Variants in AGO3 observed in about 807,000 individuals in gnomAD.
AGO3 encodes argonaute RISC catalytic component 3.
In AGO3, 16 loss-of-function variants were observed where a neutral mutation model predicts 105.5. The ratio of observed to expected loss-of-function variants is 0.15; its 90% CI spans 0.10 to 0.23. The LOEUF (loss-of-function observed/expected upper bound fraction) is 0.23, where lower values mean the gene tolerates loss of function less well. AGO3 is among the 10% of genes least tolerant of loss of function. The pLI is 1.00. For missense variants in AGO3, 534 were observed against 1,088.0 expected (o/e 0.49, Z 7.16); for synonymous variants, 340 against 367.3 (o/e 0.93, Z 0.85).
chr1:35,935,873 A>G (rs1646138013), intron 1 of AGO3, among the ~76,000 whole-genome samples: 1 of 152,258 alleles, frequency 6.6e-6, no homozygotes, highest in Non-Finnish European at 1.5e-5. Flanking sequence ...AGAATCTTAA[A>G]AAGTAATTTA....
chr1:35,971,333 A>G (rs960454434), intron 3 of AGO3, among the ~76,000 whole-genome samples: 2 of 150,296 alleles, frequency 1.3e-5, no homozygotes, highest in African/African-American at 2.4e-5. Flanking sequence ...CTAATTTTGT[A>G]TTTTTAGTAG....
intron 5 of AGO3, among the ~76,000 whole-genome samples, chr1:36,003,512 C>T (rs1025975814): frequency 1.3e-4 from 20 of 150,902 alleles, no homozygotes; most frequent in African/African-American, 2.2e-4. Context: ...CTGACCAACA[C>T]GGAGAAACCC....
At chr1:36,024,370 T>G (rs1199782547) in intron 11 of AGO3, among the ~76,000 whole-genome samples, 1 of 152,092 alleles carries the variant, frequency 6.6e-6, no homozygotes, top group Non-Finnish European at 1.5e-5. Context: ...CTCCTGGACT[T>G]AAGCAGTCCT....
In AGO3 at chr1:36,055,150, T is replaced by C. The variant is rs536406293; in HGVS notation, c.2474+5T>C. On this transcript the variant is annotated splice_donor_5th_base_variant and intron_variant, in intron 18 of 18. Coordinates refer to ENST00000373191, the MANE Select transcript of AGO3 (RefSeq NM_024852.4). This position sits in a 1 kb window ranked among gnomAD's most constrained non-coding sequence, Gnocchi z 4.4. ...TGTGGACAAAGAACATGACAGGTAATATAAAAGCATAACAGGTTCTCACCC... is the reference window on the plus strand; with the variant it reads ...TGTGGACAAAGAACATGACAGGTAACATAAAAGCATAACAGGTTCTCACCC... The C allele has an allele frequency of 1.3e-6, 2 of 1,583,298 alleles. No individual in the cohort carries two copies. Among genetic ancestry groups the C allele is most frequent in the African/African-American group, 2.7e-5 (2 of 74,268 alleles).
chr1:35,986,552 G>A (rs968260769), intron 5 of AGO3, among the ~76,000 whole-genome samples: 1 of 152,048 alleles, frequency 6.6e-6, no homozygotes, highest in South Asian at 2.1e-4. Flanking sequence ...AGCCAGGTGT[G>A]GTAGTGCACG....
chr1:35,936,646 C>G (rs563828778), intron 1 of AGO3, among the ~76,000 whole-genome samples: 4 of 152,104 alleles, frequency 2.6e-5, no homozygotes, highest in African/African-American at 4.8e-5. Context: ...TTACATCAGC[C>G]AGTTATTTTA....
intron 5 of AGO3, among the ~76,000 whole-genome samples, chr1:36,003,117 C>A (rs1569724124): frequency 6.7e-6 from 1 of 149,556 alleles, no homozygotes; most frequent in Non-Finnish European, 1.5e-5. Context: ...ATAAAGTTTA[C>A]ACTTAGCTGA....
intron 12 of AGO3, among the ~76,000 whole-genome samples, chr1:36,029,146 G>A (rs1281272677): frequency 6.6e-6 from 1 of 152,070 alleles, no homozygotes; most frequent in Non-Finnish European, 1.5e-5. Flanking sequence ...TATGTAAAGG[G>A]CCTAGAATAG....
chr1:36,005,317 A>C (rs1433910437), intron 6 of AGO3, among the ~76,000 whole-genome samples: 3 of 152,172 alleles, frequency 2.0e-5, no homozygotes, highest in Non-Finnish European at 2.9e-5. Flanking sequence ...GTTCCCCCAA[A>C]TCAATTAGAG....
In AGO3 at chr1:36,068,722, C is replaced by A. The variant is rs186962563; in HGVS notation, c.*12977C>A. Reference sequence around the variant, plus strand: ...GAATTAATACTTAACCTGTTCATTTCTCTTAATTTATGTATTTATTCTGAC... The same window carrying A: ...GAATTAATACTTAACCTGTTCATTTATCTTAATTTATGTATTTATTCTGAC... On this transcript the variant is annotated 3_prime_UTR_variant, in exon 19 of 19. Transcript: ENST00000373191. 2.6e-5 allele frequency: 4 copies of A among 152,122 alleles called. No homozygotes were observed. The allele number at this position is 152,122 out of a possible 1,614,324, so 9.4% of individuals were successfully genotyped here.
intron 15 of AGO3, 64 bp downstream of exon 15, chr1:36,040,048 C>A: frequency 6.7e-7 from 1 of 1,481,982 alleles, no homozygotes; most frequent in South Asian, 1.3e-5. Flanking sequence ...AATATGGTGT[C>A]TAGTTCTAGA....
Position 36,065,166 on chromosome 1 carries a change from C to CA in AGO3, c.*9434dup, listed in dbSNP as rs758048938. On this transcript the variant is annotated 3_prime_UTR_variant, in exon 19 of 19. Coordinates refer to ENST00000373191, the MANE Select transcript of AGO3 (RefSeq NM_024852.4). ...TGGGCGACAGAGCAAGACTCCGTCT[C>CA]AAAAAAAAAAAAAGCAAAATATTTT... 5.6e-3 allele frequency: 640 copies of CA among 114,550 alleles called. 2 individuals carry two copies. The highest frequency in any genetic ancestry group is 8.5e-3 in the Non-Finnish European group (454 of 53,522). 7.1% of individuals were successfully genotyped at this position (114,550 alleles called of 1,614,324 possible). A position where few individuals can be genotyped will look rare whatever the true frequency, so the allele number is the denominator to read the frequency against.
intron 4 of AGO3, among the ~76,000 whole-genome samples, chr1:35,972,939 C>G (rs1316226252): frequency 6.8e-6 from 1 of 147,552 alleles, no homozygotes; most frequent in African/African-American, 2.5e-5. Flanking sequence ...TCAAGTAATC[C>G]TCTCACCTTA....
At chr1:36,023,889 T>C (rs1641364431) in intron 11 of AGO3, among the ~76,000 whole-genome samples, 1 of 152,166 alleles carries the variant, frequency 6.6e-6, no homozygotes, top group African/African-American at 2.4e-5. Context: ...CACCACTTTT[T>C]CTCTCTTCTT....
At chr1:35,939,421 CAG>C (rs1267584476) in intron 1 of AGO3, among the ~76,000 whole-genome samples, 3 of 152,046 alleles carry the variant, frequency 2.0e-5, no homozygotes, top group Non-Finnish European at 2.9e-5. Context: ...GTTTTAGAGA[CAG>C]ATTCTGGCTC....
intron 11 of AGO3, among the ~76,000 whole-genome samples, chr1:36,025,796 G>A (rs1015692502): frequency 5.3e-5 from 8 of 152,164 alleles, no homozygotes; most frequent in Admixed American, 4.6e-4. Context: ...CCAGCACTTT[G>A]GGAGGCCGAG....
At chr1:35,963,734 G>C (rs1207697856) in intron 2 of AGO3, among the ~76,000 whole-genome samples, 1 of 152,126 alleles carries the variant, frequency 6.6e-6, no homozygotes, top group Non-Finnish European at 1.5e-5. Context: ...AAGGACATGA[G>C]GCTTTTCTTT....
At chr1:35,930,971 C>T (rs907598068), upstream of AGO3, 1 of 326,596 alleles carries the variant, frequency 3.1e-6, no homozygotes. Context: ...GGACACCTCC[C>T]CGGCGTCCTC....
At chr1:36,003,141 A>AT (rs201615643) in intron 5 of AGO3, among the ~76,000 whole-genome samples, 30,071 of 146,676 alleles carry the variant, frequency 0.21, 4,578 homozygotes, top group East Asian at 0.66. Flanking sequence ...GACAGTGGGC[A>AT]TTTTTTTTTT....
Sources: gnomAD v4.1 joint callset for allele counts (sites outside exome capture counted in the v4.1 genomes callset) on GRCh38, gnomAD v4.1.1 for gene constraint, Gnocchi (gnomAD v3.1) non-coding constraint, MANE v1.5 for transcripts, NCBI Gene and HGNC (gene_info 2026-07-23, HGNC 2026-07-21) for gene names.